HERPUD2: variants seen among roughly 807,000 people sequenced by gnomAD.
HERPUD2 encodes the protein homocysteine-responsive endoplasmic reticulum-resident ubiquitin-like domain member 2 protein.
A neutral mutation model predicts 49.9 loss-of-function variants in HERPUD2; 13 were observed. That is an observed-to-expected ratio of 0.26 (90% CI 0.17 to 0.41). HERPUD2 has a LOEUF of 0.41. Among genes scored for constraint, HERPUD2 ranks in the 10% least tolerant of loss-of-function variants. The pLI is 1.00. For synonymous variants in HERPUD2, 172 were observed against 171.4 expected, an observed-to-expected ratio of 1.00 and a Z score of -0.03; for missense variants, 449 against 492.2, an observed-to-expected ratio of 0.91 and a Z score of 0.83.
chr7:35,643,425 G>C (rs1784998899), intron 5 of HERPUD2, among the ~76,000 whole-genome samples: 1 of 152,176 alleles, frequency 6.6e-6, no homozygotes, highest in South Asian at 2.1e-4. Flanking sequence ...GGATGTCACA[G>C]TTTATGCACT....
Position 35,667,522 on chromosome 7 carries a change from A to T in HERPUD2, c.406T>A (p.Ser136Thr). ...GQETLSLAVG[S>T]SSEGLRQRTL... is the part of the protein sequence containing the mutation. ...CGCTGCCTCAATCCTTCTGAGGAAG[A>T]ACCCACAGCTAAAGACAAGGTTTCT... The change falls in exon 5 of 9, where the codon TCT (serine) becomes ACT (threonine). Residue 136 changes from serine (S) to threonine (T), a missense_variant. Ser to Thr is a moderately conservative substitution (Grantham distance 58). Transcript: ENST00000311350. The T allele has an allele frequency of 1.2e-6, 2 of 1,613,886 alleles. No homozygotes were observed. The highest frequency in any genetic ancestry group is 1.7e-6 in the Non-Finnish European group (2 of 1,179,788).
At chr7:35,651,130 T>C (rs1236163183) in intron 5 of HERPUD2, among the ~76,000 whole-genome samples, 1 of 152,192 alleles carries the variant, frequency 6.6e-6, no homozygotes, top group Admixed American at 6.5e-5. Flanking sequence ...CACCACAGAC[T>C]GCTTGGGAGC....
intron 4 of HERPUD2, chr7:35,668,693 C>A (rs1290851766): frequency 6.5e-6 from 1 of 153,880 alleles, no homozygotes. Flanking sequence ...ACTTCACACA[C>A]AATAGATATC....
intron 5 of HERPUD2, among the ~76,000 whole-genome samples, chr7:35,643,808 A>C (rs1785005519): frequency 6.6e-6 from 1 of 151,588 alleles, no homozygotes; most frequent in Non-Finnish European, 1.5e-5. Flanking sequence ...AAAAAACTAA[A>C]CTAAAAAGAA....
intron 2 of HERPUD2, among the ~76,000 whole-genome samples, chr7:35,684,252 T>A (rs1785981492): frequency 6.6e-6 from 1 of 151,988 alleles, no homozygotes; most frequent in South Asian, 2.1e-4. Flanking sequence ...TAGCCAGGCA[T>A]GGTGGCGGGA....
chr7:35,686,744 AAC>A (rs1554317974), intron 2 of HERPUD2, among the ~76,000 whole-genome samples: 1,049 of 104,778 alleles, frequency 0.01, 322 homozygotes, highest in African/African-American at 0.038. Context: ...AAAAAAAAAA[AAC>A]CAAACCCATT....
At chr7:35,652,444 G>A (rs894698050) in intron 5 of HERPUD2, among the ~76,000 whole-genome samples, 16 of 152,138 alleles carry the variant, frequency 1.1e-4, no homozygotes, top group South Asian at 6.2e-4. Flanking sequence ...AAGGCAAAGA[G>A]AGAATTCTAA....
rs79549468 is a variant in HERPUD2 at position 35,644,330 on chromosome 7, T to C, written c.495-5858A>G. Among the ~76,000 whole-genome samples, 497 of 149,754 alleles carry C rather than the reference T, an allele frequency of 3.3e-3. 4 individuals are homozygous for C. The highest frequency in any genetic ancestry group is 0.012 in the African/African-American group (470 of 40,804). Reference sequence around the variant, plus strand: ...TCTAACTACCAGTTTACAGGCAATATAGGATAAAGAAAAATGCTAAATGAC... The same window carrying C: ...TCTAACTACCAGTTTACAGGCAATACAGGATAAAGAAAAATGCTAAATGAC... On this transcript the variant is annotated intron_variant, in intron 5 of 8. Coordinates refer to ENST00000311350, the MANE Select transcript of HERPUD2 (RefSeq NM_022373.5).
At chr7:35,634,898 C>T (rs1380484049) in intron 7 of HERPUD2, among the ~76,000 whole-genome samples, 1 of 152,180 alleles carries the variant, frequency 6.6e-6, no homozygotes, top group Non-Finnish European at 1.5e-5. Context: ...GTATGTCTCA[C>T]TGAATGAACA....
At chr7:35,686,015 G>A (rs1786034821) in intron 2 of HERPUD2, among the ~76,000 whole-genome samples, 1 of 152,068 alleles carries the variant, frequency 6.6e-6, no homozygotes, top group African/African-American at 2.4e-5. Context: ...AAAATCATGT[G>A]TTAGACCTAA....
At chr7:35,662,829 CTTCA>C (rs1785453263) in intron 5 of HERPUD2, among the ~76,000 whole-genome samples, 1 of 151,964 alleles carries the variant, frequency 6.6e-6, no homozygotes, top group African/African-American at 2.4e-5. Context: ...CAGCTCCTGG[CTTCA>C]TTGATATTTT....
intron 2 of HERPUD2, among the ~76,000 whole-genome samples, chr7:35,675,921 T>C (rs1785750210): frequency 6.6e-6 from 1 of 152,256 alleles, no homozygotes; most frequent in African/African-American, 2.4e-5. Flanking sequence ...ACTCCAGATA[T>C]ATGCCACTGT....
intron 2 of HERPUD2, among the ~76,000 whole-genome samples, chr7:35,689,765 CAG>C (rs895209468): frequency 1.9e-4 from 29 of 152,096 alleles, no homozygotes; most frequent in Non-Finnish European, 4.0e-4. Flanking sequence ...ACAGCAAAGA[CAG>C]AGGAAATCTG....
At chr7:35,667,123 G>C (rs1192670095) in intron 5 of HERPUD2, among the ~76,000 whole-genome samples, 1 of 152,056 alleles carries the variant, frequency 6.6e-6, no homozygotes, top group Admixed American at 6.6e-5. Flanking sequence ...CATCATCTGG[G>C]AGCTTGTCAG....
At chr7:35,663,703 A>G (rs1464467019) in intron 5 of HERPUD2, among the ~76,000 whole-genome samples, 1 of 152,146 alleles carries the variant, frequency 6.6e-6, no homozygotes, top group Non-Finnish European at 1.5e-5. Context: ...CTGTTTTATC[A>G]GAGACTAGGA....
chr7:35,644,546 T>C (rs968976970), intron 5 of HERPUD2, among the ~76,000 whole-genome samples: 8 of 152,168 alleles, frequency 5.3e-5, no homozygotes, highest in Admixed American at 2.6e-4. Flanking sequence ...GGCAGGTGGA[T>C]TGCTTGAGCT....
chr7:35,694,431 T>C lies in HERPUD2; in HGVS notation c.-101A>G. On this transcript the variant is annotated 5_prime_UTR_variant, in exon 2 of 9. Coordinates refer to ENST00000311350, the MANE Select transcript of HERPUD2 (RefSeq NM_022373.5). Reference sequence around the variant, plus strand: ...CGACTGGGATGAGGACAGAAGTGAGTTCTTAGTATTCCGTGTCCAAGTCAG... The same window carrying C: ...CGACTGGGATGAGGACAGAAGTGAGCTCTTAGTATTCCGTGTCCAAGTCAG... 8.4e-7 allele frequency: 1 copy of C among 1,184,150 alleles called. No homozygotes were observed. The highest frequency in any genetic ancestry group is 1.3e-5 in the South Asian group (1 of 78,010). 73.4% of individuals were successfully genotyped at this position (1,184,150 alleles called of 1,614,324 possible).
At chr7:35,676,607 C>G (rs191427937) in intron 2 of HERPUD2, among the ~76,000 whole-genome samples, 20 of 152,228 alleles carry the variant, frequency 1.3e-4, no homozygotes, top group African/African-American at 4.3e-4. Flanking sequence ...AATCTGGGAG[C>G]TAGGAGTACT....
intron 5 of HERPUD2, among the ~76,000 whole-genome samples, chr7:35,659,244 G>A (rs1785355783): frequency 6.6e-6 from 1 of 152,152 alleles, no homozygotes; most frequent in Admixed American, 6.5e-5. Context: ...CAGAAAAAAT[G>A]ACAACTATGA....
Sources: allele counts gnomAD v4.1 joint callset (sites outside exome capture counted in the v4.1 genomes callset), GRCh38; gene constraint gnomAD v4.1.1; transcripts MANE v1.5; gene names NCBI Gene and HGNC (gene_info 2026-07-23, HGNC 2026-07-21).